The following ADAMTS5 variants were observed in gnomAD, a reference collection of about 807,000 sequenced individuals.
The protein encoded by ADAMTS5 is ADAM metallopeptidase with thrombospondin type 1 motif 5.
ADAMTS5 carries 54 observed loss-of-function variants against 81.4 expected under a neutral mutation model. That is an observed-to-expected ratio of 0.66 (90% CI 0.53 to 0.83). The LOEUF (loss-of-function observed/expected upper bound fraction) is 0.83, where lower values mean the gene tolerates loss of function less well. Among genes scored for constraint, ADAMTS5 ranks in the 40% least tolerant of loss-of-function variants. The pLI is 0.00. For missense variants in ADAMTS5, 1,194 were observed against 1,229.9 expected (o/e 0.97, Z 0.44); for synonymous variants, 532 against 508.8 (o/e 1.05, Z -0.61).
At chr21:26,950,958 C>T (rs1987305311) in intron 2 of ADAMTS5, among the ~76,000 whole-genome samples, 1 of 152,132 alleles carries the variant, frequency 6.6e-6, no homozygotes, top group Admixed American at 6.5e-5. Context: ...TGGGCTCAAG[C>T]AGTCCTCCCA....
chr21:26,938,229 G>C (rs549488259), intron 3 of ADAMTS5, among the ~76,000 whole-genome samples: 1 of 151,264 alleles, frequency 6.6e-6, no homozygotes, highest in Non-Finnish European at 1.5e-5. Flanking sequence ...GGGCAACAAA[G>C]AGCGAAACTC....
chr21:26,958,362 T>TACAC (rs370868688), intron 1 of ADAMTS5, among the ~76,000 whole-genome samples: 108 of 151,532 alleles, frequency 7.1e-4, no homozygotes, highest in African/African-American at 2.5e-3. Context: ...GAAGAGCACA[T>TACAC]ACACACACAC....
chr21:26,947,091 T>C (rs568270621), intron 2 of ADAMTS5, among the ~76,000 whole-genome samples: 1 of 152,322 alleles, frequency 6.6e-6, no homozygotes, highest in South Asian at 2.1e-4. Context: ...GAATTAGTGT[T>C]TGTGTTTAGG....
intron 2 of ADAMTS5, 130 bp from the exon 3 acceptor site, chr21:26,943,677 C>G: frequency 1.3e-6 from 1 of 794,030 alleles, no homozygotes; most frequent in Non-Finnish European, 1.9e-6. Flanking sequence ...CTTTCTCACC[C>G]AGAGACTGGA....
In ADAMTS5 at chr21:26,924,356, T is replaced by C; in HGVS notation, c.2490A>G (p.Leu830=). 6.2e-7 allele frequency: 1 copy of C among 1,614,168 alleles called. No individual in the cohort carries two copies. Among genetic ancestry groups the C allele is most frequent in the Non-Finnish European group, 8.5e-7 (1 of 1,179,992 alleles). ...GMGYSATKEI[L]IVQILATDPT... ...GGTCTGTTGCAAGAATCTGCACTAT[T>C]AGAATTTCCTTCGTGGCAGAGTAGC... The change falls in exon 8 of 8, where the codon CTA becomes CTG. Residue 830 remains leucine (L), a synonymous_variant. Transcript: ENST00000284987.
At chr21:26,962,469 G>A (rs1987547655) in intron 1 of ADAMTS5, among the ~76,000 whole-genome samples, 1 of 152,250 alleles carries the variant, frequency 6.6e-6, no homozygotes, top group South Asian at 2.1e-4. Context: ...AGTCCTGACA[G>A]TGAAGTGTGA....
chr21:26,948,450 G>A (rs748966710), intron 2 of ADAMTS5, among the ~76,000 whole-genome samples: 1 of 152,184 alleles, frequency 6.6e-6, no homozygotes, highest in Non-Finnish European at 1.5e-5. Context: ...TTCTTAATGA[G>A]GTCATGTTTT....
chr21:26,936,464 A>G (rs559134193), intron 3 of ADAMTS5, among the ~76,000 whole-genome samples: 1 of 152,342 alleles, frequency 6.6e-6, no homozygotes, highest in Admixed American at 6.5e-5. Flanking sequence ...AAAAAGTCAT[A>G]TTCAAATCCT....
At chr21:26,956,592 T>C (rs1317751129) in intron 1 of ADAMTS5, among the ~76,000 whole-genome samples, 1 of 152,160 alleles carries the variant, frequency 6.6e-6, no homozygotes, top group Non-Finnish European at 1.5e-5. Context: ...TTTCACTATC[T>C]CTAGGACCAA....
chr21:26,954,813 C>T lies in ADAMTS5; in HGVS notation c.1163G>A (p.Cys388Tyr). 1.9e-6 allele frequency: 3 copies of T among 1,614,098 alleles called. No individual in the cohort carries two copies. The highest frequency in any genetic ancestry group is 2.5e-6 in the Non-Finnish European group (3 of 1,180,000). Residue 388 changes from cysteine to tyrosine, a missense_variant, in exon 2 of 8, where the codon TGT (cysteine) becomes TAT (tyrosine). By Grantham distance (194) the Cys-to-Tyr change is radical. Transcript: ENST00000284987. ...CACAGCACAGCTGCGCTCTGGAGAA[C>T]ATATGGTCCCAACGTCTGCCATTCC... is the stretch of plus-strand genomic sequence containing the variant. ...TLGMADVGTI[C>Y]SPERSCAVIE...
chr21:26,928,550 T>C (rs1986844650), intron 7 of ADAMTS5, among the ~76,000 whole-genome samples: 1 of 152,166 alleles, frequency 6.6e-6, no homozygotes, highest in South Asian at 2.1e-4. Flanking sequence ...AGGTATTACT[T>C]TTTAAAAGTA....
chr21:26,959,761 G>A (rs1232156290), intron 1 of ADAMTS5, among the ~76,000 whole-genome samples: 1 of 152,130 alleles, frequency 6.6e-6, no homozygotes, highest in Non-Finnish European at 1.5e-5. Flanking sequence ...TCTCTCACCT[G>A]TCACATCTAA....
chr21:26,952,596 T>C (rs1025629050), intron 2 of ADAMTS5, among the ~76,000 whole-genome samples: 1 of 152,206 alleles, frequency 6.6e-6, no homozygotes, highest in African/African-American at 2.4e-5. Context: ...ATGCAGTCAA[T>C]GTGTGAAAAC....
intron 1 of ADAMTS5, among the ~76,000 whole-genome samples, chr21:26,959,162 G>C (rs955016234): frequency 6.6e-6 from 1 of 152,174 alleles, no homozygotes; most frequent in South Asian, 2.1e-4. Context: ...ATGCTTGACG[G>C]AGTCATTCTG....
intron 7 of ADAMTS5, 26 bp from the exon 8 acceptor site, chr21:26,924,646 G>A (rs967574677): frequency 3.3e-6 from 5 of 1,533,978 alleles, no homozygotes; most frequent in African/African-American, 1.4e-5. Flanking sequence ...TTCACAGGAA[G>A]TGGGGGAAGG....
intron 3 of ADAMTS5, among the ~76,000 whole-genome samples, chr21:26,942,549 T>C (rs1746921267): frequency 6.6e-6 from 1 of 152,138 alleles, no homozygotes; most frequent in South Asian, 2.1e-4. Flanking sequence ...TTCTTTAGAG[T>C]GCTAATGCAT....
rs1158491538 is a variant in ADAMTS5 at position 26,922,537 on chromosome 21, C to T, written c.*1516G>A. The T allele has an allele frequency of 6.6e-6, 1 of 151,854 alleles. No homozygotes were observed. Among genetic ancestry groups the T allele is most frequent in the Non-Finnish European group, 1.5e-5 (1 of 67,902 alleles). The allele number at this position is 151,854 out of a possible 1,614,324, so 9.4% of individuals were successfully genotyped here. A position where few individuals can be genotyped will look rare whatever the true frequency, so the allele number is the denominator to read the frequency against. ...CAGTGTTTCACAACAAAAGAAATCC[C>T]AAAGAAATCAAACAACTTAGATTTT... On this transcript the variant is annotated 3_prime_UTR_variant, in exon 8 of 8. Transcript: ENST00000284987.
chr21:26,941,555 G>A (rs951962470), intron 3 of ADAMTS5, among the ~76,000 whole-genome samples: 11 of 151,800 alleles, frequency 7.2e-5, no homozygotes, highest in African/African-American at 9.7e-5. Flanking sequence ...CCAAAATTAG[G>A]AACAAAATTC....
At chr21:26,926,771 G>A (rs997676382) in intron 7 of ADAMTS5, among the ~76,000 whole-genome samples, 4 of 151,858 alleles carry the variant, frequency 2.6e-5, no homozygotes, top group Non-Finnish European at 5.9e-5. Flanking sequence ...ATATGTTATA[G>A]CAGTTAAATG....
Sources: allele counts gnomAD v4.1 joint callset (sites outside exome capture counted in the v4.1 genomes callset), GRCh38; gene constraint gnomAD v4.1.1; transcripts MANE v1.5; gene names NCBI Gene and HGNC (gene_info 2026-07-23, HGNC 2026-07-21).